NCKAP5: variants seen among roughly 807,000 people sequenced by gnomAD.
NCKAP5 encodes nck-associated protein 5.
NCKAP5 carries 92 observed loss-of-function variants against 167.0 expected under a neutral mutation model. That is an observed-to-expected ratio of 0.55 (90% CI 0.47 to 0.66). The LOEUF is 0.66. Ranked by LOEUF, NCKAP5 falls within the 30% of genes least tolerant of loss-of-function variation. NCKAP5 has a pLI of 0.00. For missense variants in NCKAP5, 2,378 were observed against 2,315.0 expected (o/e 1.03, Z -0.56); for synonymous variants, 891 against 877.4 (o/e 1.02, Z -0.27).
chr2:133,406,817 G>A (rs1688467562), intron 3 of NCKAP5, among the ~76,000 whole-genome samples: 1 of 152,102 alleles, frequency 6.6e-6, no homozygotes, highest in African/African-American at 2.4e-5. Flanking sequence ...CCACAGTTTA[G>A]CTCCCCTTAC....
At chr2:133,630,362 G>C in the NCKAP5 span, among the ~76,000 whole-genome samples, 1 of 152,156 alleles carries the variant, frequency 6.6e-6, no homozygotes, top group South Asian at 2.1e-4. Context: ...CTTCTTTGAA[G>C]TGAATAAAAT....
chr2:133,518,037 A>G (rs1025810033), intron 2 of NCKAP5, among the ~76,000 whole-genome samples: 1 of 152,196 alleles, frequency 6.6e-6, no homozygotes, highest in Non-Finnish European at 1.5e-5. Flanking sequence ...AAACATGAAC[A>G]TTGTTTAATT....
At chr2:133,099,641 A>G (rs76765187) in intron 6 of NCKAP5, among the ~76,000 whole-genome samples, 7,563 of 152,216 alleles carry the variant, frequency 0.05, 608 homozygotes, top group African/African-American at 0.17. Context: ...CTACCAAATG[A>G]TCAGATAGAT....
intron 19 of NCKAP5, among the ~76,000 whole-genome samples, chr2:132,717,625 A>G (rs1057503998): frequency 6.6e-6 from 1 of 152,224 alleles, no homozygotes; most frequent in African/African-American, 2.4e-5. Flanking sequence ...ACCAGGAACT[A>G]GAGCTGTTAT....
intron 6 of NCKAP5, among the ~76,000 whole-genome samples, chr2:133,022,448 G>A (rs1477751966): frequency 2.0e-5 from 3 of 152,178 alleles, no homozygotes; most frequent in African/African-American, 4.8e-5. Context: ...AAGGGAAGGT[G>A]CAGGGAGGGG....
chr2:132,975,096 C>A (rs2076941913), intron 7 of NCKAP5, among the ~76,000 whole-genome samples: 1 of 152,056 alleles, frequency 6.6e-6, no homozygotes, highest in Admixed American at 6.6e-5. Flanking sequence ...TTGTTCAGCA[C>A]AAGCATACTA....
At chr2:132,952,578 T>C (rs978932879) in intron 8 of NCKAP5, among the ~76,000 whole-genome samples, 1 of 152,182 alleles carries the variant, frequency 6.6e-6, no homozygotes, top group Non-Finnish European at 1.5e-5. Flanking sequence ...CCAAAAGGGC[T>C]GCTGTAAAAC....
chr2:133,219,675 G>A (rs948733881), intron 4 of NCKAP5, among the ~76,000 whole-genome samples: 4 of 151,350 alleles, frequency 2.6e-5, no homozygotes, highest in African/African-American at 9.7e-5. Flanking sequence ...TCAAGTCCTT[G>A]TGTGTACATT....
intron 3 of NCKAP5, among the ~76,000 whole-genome samples, chr2:133,349,280 C>T (rs1373028474): frequency 6.6e-6 from 1 of 152,164 alleles, no homozygotes. Flanking sequence ...CCTGGCTGCC[C>T]TAGGAAGAAG....
At chr2:132,948,734 C>T (rs1325074751) in intron 8 of NCKAP5, among the ~76,000 whole-genome samples, 2 of 152,126 alleles carry the variant, frequency 1.3e-5, no homozygotes, top group Admixed American at 6.5e-5. Context: ...GTGGAAGCCC[C>T]GGCTTCTGAG....
At chr2:133,128,242 G>A (rs62180662) in intron 6 of NCKAP5, among the ~76,000 whole-genome samples, 1 of 152,198 alleles carries the variant, frequency 6.6e-6, no homozygotes, top group Non-Finnish European at 1.5e-5. Context: ...TTCTCATGAC[G>A]ATTTTAGGGC....
intron 5 of NCKAP5, among the ~76,000 whole-genome samples, chr2:133,171,014 G>A (rs923235095): frequency 3.9e-5 from 6 of 152,030 alleles, no homozygotes; most frequent in Admixed American, 6.5e-5. Flanking sequence ...CCATACTGGC[G>A]ATACTGACAA....
At chr2:133,589,235 T>A in the NCKAP5 span, among the ~76,000 whole-genome samples, 17 of 152,300 alleles carry the variant, frequency 1.1e-4, no homozygotes, top group African/African-American at 4.1e-4. Context: ...GGTGTCAGGA[T>A]GAACTCGGGT....
chr2:133,645,678 T>C, the NCKAP5 span, among the ~76,000 whole-genome samples: 1 of 152,092 alleles, frequency 6.6e-6, no homozygotes, highest in African/African-American at 2.4e-5. Context: ...ATAATAAAAT[T>C]CATCAAAAAT....
chr2:133,006,936 TTGCA>T, intron 6 of NCKAP5, among the ~76,000 whole-genome samples: 1 of 152,188 alleles, frequency 6.6e-6, no homozygotes, highest in Non-Finnish European at 1.5e-5. Flanking sequence ...GCTATTTAAT[TTGCA>T]TGCTTCTTGT....
chr2:132,891,474 T>G (rs1692706400), intron 8 of NCKAP5, among the ~76,000 whole-genome samples: 1 of 152,308 alleles, frequency 6.6e-6, no homozygotes, highest in East Asian at 1.9e-4. Context: ...TCTCTGGAAC[T>G]GGGGGGTGGT....
chr2:133,130,776 G>A (rs1258864307), intron 5 of NCKAP5, among the ~76,000 whole-genome samples: 2 of 152,184 alleles, frequency 1.3e-5, no homozygotes, highest in South Asian at 4.1e-4. Flanking sequence ...CTGGTAAAAA[G>A]CACACAGCTC....
At chr2:132,947,988 G>C (rs1697889198) in intron 8 of NCKAP5, among the ~76,000 whole-genome samples, 1 of 152,132 alleles carries the variant, frequency 6.6e-6, no homozygotes, top group Admixed American at 6.5e-5. Context: ...AGATGAATGG[G>C]GGATTGCGAA....
chr2:133,039,622 GC>G (rs2079148731), intron 6 of NCKAP5, among the ~76,000 whole-genome samples: 2 of 152,132 alleles, frequency 1.3e-5, no homozygotes, highest in Admixed American at 6.5e-5. Context: ...TTATCCTACA[GC>G]CTGTACATAA....
Sources: allele counts gnomAD v4.1 joint callset (sites outside exome capture counted in the v4.1 genomes callset), GRCh38; gene constraint gnomAD v4.1.1; transcripts MANE v1.5; gene names NCBI Gene and HGNC (gene_info 2026-07-23, HGNC 2026-07-21).